RIMS1: variants seen among roughly 807,000 people sequenced by gnomAD.
RIMS1 encodes the protein regulating synaptic membrane exocytosis protein 1.
RIMS1 carries 83 observed loss-of-function variants against 214.1 expected under a neutral mutation model. The observed-to-expected ratio is 0.39, with a 90% CI of 0.32 to 0.47. The LOEUF (loss-of-function observed/expected upper bound fraction) is 0.47. Among genes scored for constraint, RIMS1 ranks in the 20% least tolerant of loss-of-function variants. The probability of loss-of-function intolerance (pLI) is 0.99; values close to 1 mark genes in which losing one functional copy is unlikely to be tolerated. For synonymous variants in RIMS1, 793 were observed against 786.8 expected (o/e 1.01, Z -0.13); for missense variants, 2,050 against 2,161.8 (o/e 0.95, Z 1.03).
intron 1 of RIMS1, among the ~76,000 whole-genome samples, chr6:71,893,443 G>T (rs1292542881): frequency 6.6e-6 from 1 of 152,048 alleles, no homozygotes; most frequent in Non-Finnish European, 1.5e-5. Flanking sequence ...AGAGAAATTA[G>T]CTTGGGGTAA....
chr6:71,899,851 A>G (rs1208667248), intron 1 of RIMS1, among the ~76,000 whole-genome samples: 1 of 152,144 alleles, frequency 6.6e-6, no homozygotes, highest in Non-Finnish European at 1.5e-5. Flanking sequence ...AAATTTTTAA[A>G]TAGAAAATCA....
At chr6:72,309,110 G>A (rs2095385058) in intron 27 of RIMS1, among the ~76,000 whole-genome samples, 1 of 152,044 alleles carries the variant, frequency 6.6e-6, no homozygotes, top group Non-Finnish European at 1.5e-5. Context: ...GCCAGTATAG[G>A]AAACAAGAAA....
intron 2 of RIMS1, among the ~76,000 whole-genome samples, chr6:71,972,806 A>T (rs998955261): frequency 6.6e-6 from 1 of 152,214 alleles, no homozygotes; most frequent in Non-Finnish European, 1.5e-5. Context: ...TATAATACTG[A>T]ATAATAAATA....
At position 72,182,353 on chromosome 6, in the gene RIMS1, A is replaced by T. The variant is rs2048515392; in HGVS notation, c.882A>T (p.Pro294=). 3.7e-6 allele frequency: 6 copies of T among 1,613,352 alleles called. No individual in the cohort carries two copies. Among genetic ancestry groups the T allele is most frequent in the South Asian group, 3.3e-5 (3 of 91,078 alleles). Residue 294 remains proline, a synonymous_variant, in exon 6 of 34, where the codon CCA becomes CCT. Coordinates refer to ENST00000521978, the MANE Select transcript of RIMS1 (RefSeq NM_014989.7). ...GALKSERKRV[P]KTSAQPVEGA... ...TGAAGAGCGAGCGGAAACGCGTGCC[A>T]AAGACCTCAGCGCAGCCCGTGGAGG...
chr6:72,398,622 C>A (rs2098805696), intron 32 of RIMS1, among the ~76,000 whole-genome samples: 1 of 145,576 alleles, frequency 6.9e-6, no homozygotes, highest in South Asian at 2.2e-4. Context: ...TTTCTTTTTG[C>A]ACACTTAGAA....
intron 2 of RIMS1, among the ~76,000 whole-genome samples, chr6:71,974,600 G>A (rs1314723493): frequency 6.6e-6 from 1 of 152,142 alleles, no homozygotes; most frequent in Non-Finnish European, 1.5e-5. Flanking sequence ...GAGAAGATTT[G>A]AGAAAATTTC....
At chr6:72,081,540 T>C (rs1443268286) in intron 2 of RIMS1, among the ~76,000 whole-genome samples, 1 of 152,194 alleles carries the variant, frequency 6.6e-6, no homozygotes, top group Non-Finnish European at 1.5e-5. Flanking sequence ...GAAAGCATTA[T>C]GACACTTTTT....
intron 2 of RIMS1, among the ~76,000 whole-genome samples, chr6:71,989,412 A>G (rs1315646176): frequency 6.6e-6 from 1 of 152,186 alleles, no homozygotes; most frequent in Non-Finnish European, 1.5e-5. Context: ...GCTTATTTAC[A>G]AAGCACTTAA....
chr6:71,937,864 T>A (rs950182986), intron 1 of RIMS1, among the ~76,000 whole-genome samples: 1 of 152,180 alleles, frequency 6.6e-6, no homozygotes, highest in African/African-American at 2.4e-5. Flanking sequence ...ACATACAAAA[T>A]ATATTCATTC....
chr6:72,291,095 G>C (rs143534630), intron 25 of RIMS1, among the ~76,000 whole-genome samples: 1 of 152,134 alleles, frequency 6.6e-6, no homozygotes, highest in East Asian at 1.9e-4. Context: ...AAATTTGGCT[G>C]TGTTATGTCC....
chr6:72,363,911 G>A (rs920232724), intron 29 of RIMS1, among the ~76,000 whole-genome samples: 4 of 152,176 alleles, frequency 2.6e-5, no homozygotes, highest in African/African-American at 4.8e-5. Flanking sequence ...GTGGTAGTGT[G>A]GGGGAGGAAA....
At chr6:71,921,754 T>G (rs1780063661) in intron 1 of RIMS1, among the ~76,000 whole-genome samples, 1 of 152,192 alleles carries the variant, frequency 6.6e-6, no homozygotes, top group African/African-American at 2.4e-5. Flanking sequence ...TAAAAAAAAG[T>G]AGTCATTTAA....
intron 4 of RIMS1, among the ~76,000 whole-genome samples, chr6:72,137,703 A>G (rs951549666): frequency 3.3e-5 from 5 of 150,868 alleles, no homozygotes; most frequent in Non-Finnish European, 7.4e-5. Context: ...TTAAGATGCA[A>G]AGTTGTCTGC....
chr6:71,914,250 C>T (rs2150646897), intron 1 of RIMS1, among the ~76,000 whole-genome samples: 1 of 151,832 alleles, frequency 6.6e-6, no homozygotes, highest in African/African-American at 2.4e-5. Context: ...TTTTTTTGGC[C>T]AGTTGCAAAT....
At chr6:72,390,874 G>A (rs1245189079) in intron 30 of RIMS1, 138 bp downstream of exon 30, 1 of 962,184 alleles carries the variant, frequency 1.0e-6, no homozygotes, top group South Asian at 1.8e-5. Context: ...AAACCACCCT[G>A]ATGGCTTATA....
intron 29 of RIMS1, among the ~76,000 whole-genome samples, chr6:72,353,713 CTGA>C (rs2097539398): frequency 2.0e-5 from 3 of 152,326 alleles, no homozygotes; most frequent in African/African-American, 7.2e-5. Context: ...TCTCTCACCT[CTGA>C]TACTCAGTTA....
Position 71,963,362 on chromosome 6 carries a change from C to T in RIMS1, c.165-5621C>T, listed in dbSNP as rs1229818478. Among the ~76,000 whole-genome samples, 5 of 152,000 alleles carry T rather than the reference C, an allele frequency of 3.3e-5. No homozygotes were observed. The South Asian group carries it at 8.3e-4, about 25-fold the overall frequency. On this transcript the variant is annotated intron_variant, in intron 1 of 33. Coordinates refer to ENST00000521978, the MANE Select transcript of RIMS1 (RefSeq NM_014989.7). ...GGCCAAGTAGGAGAATCATATGCCC[C>T]GGCAGGGTGGTAAGAAGAATACGTG...
chr6:72,337,795 G>A (rs1266677300), intron 29 of RIMS1, among the ~76,000 whole-genome samples: 5 of 132,194 alleles, frequency 3.8e-5, no homozygotes, highest in South Asian at 2.4e-4. Context: ...CTTTGTCCAC[G>A]TGTTCTCATT....
chr6:71,898,525 G>A (rs535034461), intron 1 of RIMS1, among the ~76,000 whole-genome samples: 1 of 152,176 alleles, frequency 6.6e-6, no homozygotes, highest in South Asian at 2.1e-4. Context: ...ACTGACTTTT[G>A]CATTTCAGAA....
Sources: gnomAD v4.1 joint callset for allele counts (sites outside exome capture counted in the v4.1 genomes callset) on GRCh38, gnomAD v4.1.1 for gene constraint, MANE v1.5 for transcripts, NCBI Gene and HGNC (gene_info 2026-07-23, HGNC 2026-07-21) for gene names.